NXPH1: variants seen among roughly 807,000 people sequenced by gnomAD.
The protein encoded by NXPH1 is neurexophilin-1.
A neutral mutation model predicts 23.7 loss-of-function variants in NXPH1; 5 were observed. The observed-to-expected ratio is 0.21, with a 90% CI of 0.11 to 0.44. NXPH1 has a LOEUF of 0.44. Ranked by LOEUF, NXPH1 falls within the 20% of genes least tolerant of loss-of-function variation. The pLI is 0.99. For missense variants in NXPH1, 324 were observed against 321.6 expected, an observed-to-expected ratio of 1.01 and a Z score of -0.06; for synonymous variants, 144 against 122.2, an observed-to-expected ratio of 1.18 and a Z score of -1.18.
At chr7:8,569,732 A>G (rs868705402) in intron 2 of NXPH1, among the ~76,000 whole-genome samples, 1 of 151,872 alleles carries the variant, frequency 6.6e-6, no homozygotes, top group Non-Finnish European at 1.5e-5. Flanking sequence ...TAGAGTGGGC[A>G]AGATCTTTAG....
rs764807888 is a variant in NXPH1 at position 8,751,604 on chromosome 7, C to A, written c.651C>A (p.Thr217=). 3.7e-6 allele frequency: 6 copies of A among 1,613,604 alleles called. No homozygotes were observed. Among genetic ancestry groups the A allele is most frequent in the Non-Finnish European group, 5.1e-6 (6 of 1,179,766 alleles). ...TCTGCAACTATGACCCTTCAAAAAC[C>A]TGTTACCAGGAGCAAACCCAAAGTC... is the stretch of plus-strand genomic sequence containing the variant. ...NTLCNYDPSK[T]CYQEQTQSHV... The change falls in exon 3 of 3, where the codon ACC becomes ACA. Residue 217 remains threonine, a synonymous_variant. Transcript: ENST00000405863. This position sits in a 1 kb window ranked among gnomAD's most constrained non-coding sequence, Gnocchi z 4.5.
intron 2 of NXPH1, among the ~76,000 whole-genome samples, chr7:8,584,082 A>T (rs147040838): frequency 0.011 from 1,703 of 152,318 alleles, 19 homozygotes; most frequent in South Asian, 0.052. Flanking sequence ...TACTTTACAG[A>T]TATTAACTCA....
At position 8,711,567 on chromosome 7, in the gene NXPH1, C is replaced by A. The variant is rs17154469; in HGVS notation, c.55-39441C>A. On this transcript the variant is annotated intron_variant, in intron 2 of 2. Transcript: ENST00000405863. ...ATAATGGTGTCAACATGGGCTGGCA[C>A]AATTTATGGAAGGAGTGAGGCTGCT... 4.9e-3 allele frequency among the ~76,000 whole-genome samples: 738 copies of A among 152,156 alleles called. 24 individuals are homozygous for A. The highest frequency in any genetic ancestry group is 0.039 in the Admixed American group (602 of 15,298).
At chr7:8,573,131 A>G (rs758509953) in intron 2 of NXPH1, among the ~76,000 whole-genome samples, 37 of 151,610 alleles carry the variant, frequency 2.4e-4, no homozygotes, top group South Asian at 1.5e-3. Flanking sequence ...TGTACATGCA[A>G]TTTTCTGTCC....
rs181036928 is a variant in NXPH1 at position 8,601,395 on chromosome 7, A to G, written c.55-149613A>G. Among the ~76,000 whole-genome samples, 6 of 150,636 alleles carry G rather than the reference A, an allele frequency of 4.0e-5. No homozygotes were observed. The East Asian group carries it at 1.0e-3, about 25-fold the overall frequency. ...AAATCACTTTTCAATGCATTAAGGG[A>G]AAAAAATGCAAAAAGACAATGCTAC... On this transcript the variant is annotated intron_variant, in intron 2 of 2. Coordinates refer to ENST00000405863, the MANE Select transcript of NXPH1 (RefSeq NM_152745.3).
At chr7:8,506,949 T>G (rs1447593298) in intron 2 of NXPH1, among the ~76,000 whole-genome samples, 3 of 151,966 alleles carry the variant, frequency 2.0e-5, no homozygotes, top group Non-Finnish European at 4.4e-5. Flanking sequence ...AGTGTGTGTA[T>G]TTTCATGAGC....
chr7:8,616,178 C>T (rs1402823299), intron 2 of NXPH1, among the ~76,000 whole-genome samples: 1 of 152,012 alleles, frequency 6.6e-6, no homozygotes, highest in East Asian at 1.9e-4. Flanking sequence ...TCACTCTCTT[C>T]TTACACAGTC....
chr7:8,523,518 A>G (rs764197867), intron 2 of NXPH1, among the ~76,000 whole-genome samples: 1 of 152,238 alleles, frequency 6.6e-6, no homozygotes, highest in Non-Finnish European at 1.5e-5. Flanking sequence ...AAGGAACACT[A>G]ATTCTCTGAA....
chr7:8,517,537 G>A (rs1817705634), intron 2 of NXPH1, among the ~76,000 whole-genome samples: 1 of 152,116 alleles, frequency 6.6e-6, no homozygotes, highest in African/African-American at 2.4e-5. Context: ...GCACATCAGT[G>A]TTTGGTTATG....
intron 2 of NXPH1, among the ~76,000 whole-genome samples, chr7:8,688,047 T>C (rs745607382): frequency 5.9e-5 from 9 of 152,130 alleles, no homozygotes; most frequent in Non-Finnish European, 1.0e-4. Flanking sequence ...TGAATATTGT[T>C]GTGGTTCTTT....
At chr7:8,506,931 G>A (rs980404623) in intron 2 of NXPH1, among the ~76,000 whole-genome samples, 1 of 152,158 alleles carries the variant, frequency 6.6e-6, no homozygotes. Flanking sequence ...AATCCCTGAA[G>A]GGCTTTCAGT....
intron 2 of NXPH1, among the ~76,000 whole-genome samples, chr7:8,537,968 T>C (rs1818054559): frequency 6.6e-6 from 1 of 151,886 alleles, no homozygotes; most frequent in South Asian, 2.1e-4. Flanking sequence ...CCCTATGATA[T>C]GCTCCTCCAT....
intron 2 of NXPH1, among the ~76,000 whole-genome samples, chr7:8,445,277 G>T (rs536255790): frequency 2.0e-5 from 3 of 152,302 alleles, no homozygotes; most frequent in East Asian, 3.9e-4. Flanking sequence ...TTTAAAGAGA[G>T]GTCCCAATAA....
chr7:8,633,766 T>C (rs866688464), intron 2 of NXPH1, among the ~76,000 whole-genome samples: 1 of 152,202 alleles, frequency 6.6e-6, no homozygotes, highest in African/African-American at 2.4e-5. Context: ...CAACAATGCA[T>C]GTTTGACAGT....
At chr7:8,479,788 C>G (rs941482113) in intron 2 of NXPH1, among the ~76,000 whole-genome samples, 1 of 151,986 alleles carries the variant, frequency 6.6e-6, no homozygotes, top group African/African-American at 2.4e-5. Flanking sequence ...CCAATTGGGA[C>G]AATTTAAGCT....
At chr7:8,649,586 C>T (rs559777975) in intron 2 of NXPH1, among the ~76,000 whole-genome samples, 4 of 152,214 alleles carry the variant, frequency 2.6e-5, no homozygotes, top group East Asian at 1.9e-4. Context: ...CCTTTGGAGA[C>T]GCGTTCTTTC....
At chr7:8,713,288 G>A (rs557542634) in intron 2 of NXPH1, among the ~76,000 whole-genome samples, 5 of 151,994 alleles carry the variant, frequency 3.3e-5, no homozygotes, top group Non-Finnish European at 2.9e-5. Context: ...ATTTCTGCTC[G>A]ATTCTTCTTA....
chr7:8,647,658 T>C (rs1820417238), intron 2 of NXPH1, among the ~76,000 whole-genome samples: 1 of 152,102 alleles, frequency 6.6e-6, no homozygotes, highest in African/African-American at 2.4e-5. Flanking sequence ...GTTTAAATGA[T>C]GTTGGAATTA....
chr7:8,620,711 G>C (rs921461039), intron 2 of NXPH1, among the ~76,000 whole-genome samples: 1 of 152,152 alleles, frequency 6.6e-6, no homozygotes, highest in Non-Finnish European at 1.5e-5. Context: ...AGAATTATAC[G>C]AACCAATACA....
Sources: gnomAD v4.1 joint callset for allele counts (sites outside exome capture counted in the v4.1 genomes callset) on GRCh38, gnomAD v4.1.1 for gene constraint, Gnocchi (gnomAD v3.1) non-coding constraint, MANE v1.5 for transcripts, NCBI Gene and HGNC (gene_info 2026-07-23, HGNC 2026-07-21) for gene names.